The following PTPRD variants were observed in gnomAD, a reference collection of about 807,000 sequenced individuals.
The protein encoded by PTPRD is receptor-type tyrosine-protein phosphatase delta.
A neutral mutation model predicts 214.5 loss-of-function variants in PTPRD; 34 were observed. That is an observed-to-expected ratio of 0.16 (90% CI 0.12 to 0.21). PTPRD has a LOEUF of 0.21. Ranked by LOEUF, PTPRD falls within the 10% of genes least tolerant of loss-of-function variation. PTPRD has a pLI of 1.00. For missense variants in PTPRD, 2,545 were observed against 2,398.7 expected (o/e 1.06, Z -1.27); for synonymous variants, 1,128 against 845.7 (o/e 1.33, Z -5.79).
intron 2 of PTPRD, among the ~76,000 whole-genome samples, chr9:10,563,827 ATAAT>A (rs1276883912): frequency 6.6e-6 from 1 of 152,002 alleles, no homozygotes; most frequent in African/African-American, 2.4e-5. Flanking sequence ...ATAGAGTGAC[ATAAT>A]TATTTATTTA....
intron 3 of PTPRD, among the ~76,000 whole-genome samples, chr9:10,142,000 C>G (rs937304000): frequency 2.0e-5 from 3 of 152,060 alleles, no homozygotes; most frequent in African/African-American, 7.2e-5. Context: ...CTTTGACAAA[C>G]CTGACCAAAA....
intron 7 of PTPRD, among the ~76,000 whole-genome samples, chr9:9,666,072 G>A (rs531308050): frequency 1.2e-4 from 18 of 151,608 alleles, no homozygotes; most frequent in Admixed American, 4.0e-4. Flanking sequence ...GGAGTTATTC[G>A]GTAACTATCC....
chr9:8,977,960 T>TAG (rs1166501949), intron 11 of PTPRD, among the ~76,000 whole-genome samples: 1 of 152,158 alleles, frequency 6.6e-6, no homozygotes, highest in African/African-American at 2.4e-5. Context: ...GTTTATACTG[T>TAG]TGTCTTTTAC....
chr9:9,023,957 C>T (rs1163727276), intron 10 of PTPRD, among the ~76,000 whole-genome samples: 1 of 151,820 alleles, frequency 6.6e-6, no homozygotes, highest in East Asian at 1.9e-4. Context: ...CATTAATCAT[C>T]ATTTTATACC....
intron 9 of PTPRD, among the ~76,000 whole-genome samples, chr9:9,290,157 G>C (rs970115977): frequency 6.6e-5 from 10 of 151,666 alleles, no homozygotes; most frequent in Non-Finnish European, 1.2e-4. Flanking sequence ...CATTCAAACA[G>C]ATGTGAGGTG....
chr9:8,794,036 G>C (rs1213244195), intron 11 of PTPRD, among the ~76,000 whole-genome samples: 3 of 152,162 alleles, frequency 2.0e-5, no homozygotes, highest in Non-Finnish European at 2.9e-5. Flanking sequence ...CGTCTTACTT[G>C]ACTGCAGTTG....
intron 39 of PTPRD, among the ~76,000 whole-genome samples, chr9:8,353,079 C>G (rs1486984589): frequency 6.6e-6 from 1 of 152,122 alleles, no homozygotes; most frequent in Non-Finnish European, 1.5e-5. Flanking sequence ...CCACTGCACT[C>G]CAGCCTGGCG....
chr9:9,955,944 C>A (rs951866695), intron 4 of PTPRD, among the ~76,000 whole-genome samples: 11 of 152,110 alleles, frequency 7.2e-5, no homozygotes, highest in African/African-American at 2.7e-4. Context: ...GTTATCAAGC[C>A]ATTTTTAAAT....
chr9:10,145,196 C>A (rs1175718762), intron 3 of PTPRD, among the ~76,000 whole-genome samples: 1 of 152,038 alleles, frequency 6.6e-6, no homozygotes, highest in African/African-American at 2.4e-5. Context: ...CATAAAAATT[C>A]ATTTAGGACC....
intron 2 of PTPRD, among the ~76,000 whole-genome samples, chr9:10,448,220 T>A (rs2098812963): frequency 6.6e-6 from 1 of 152,050 alleles, no homozygotes; most frequent in Non-Finnish European, 1.5e-5. Flanking sequence ...AGGTTTTGAT[T>A]CTTCCAAACT....
intron 5 of PTPRD, among the ~76,000 whole-genome samples, chr9:9,839,854 T>C (rs1215834115): frequency 1.3e-5 from 2 of 152,140 alleles, no homozygotes; most frequent in East Asian, 1.9e-4. Flanking sequence ...TATCCTTCTT[T>C]CTGTTGCTGG....
intron 5 of PTPRD, among the ~76,000 whole-genome samples, chr9:9,889,793 G>A (rs2072542359): frequency 6.7e-6 from 1 of 149,452 alleles, no homozygotes; most frequent in African/African-American, 2.5e-5. Context: ...TGCTGAGTGT[G>A]TGTGTGTGTG....
At chr9:10,075,505 A>G (rs1276496085) in intron 3 of PTPRD, among the ~76,000 whole-genome samples, 1 of 151,936 alleles carries the variant, frequency 6.6e-6, no homozygotes, top group Non-Finnish European at 1.5e-5. Flanking sequence ...GAAATAAATA[A>G]TATTTTATAT....
At chr9:10,346,936 T>A (rs548263512) in intron 2 of PTPRD, among the ~76,000 whole-genome samples, 8 of 152,334 alleles carry the variant, frequency 5.3e-5, no homozygotes, top group South Asian at 2.1e-4. Context: ...TAAAGAATTA[T>A]AGTTTTATGA....
chr9:9,652,077 G>A (rs1430302515), intron 7 of PTPRD, among the ~76,000 whole-genome samples: 3 of 151,762 alleles, frequency 2.0e-5, no homozygotes, highest in Admixed American at 6.6e-5. Context: ...TACTGACCTC[G>A]TGATCCGCCT....
At chr9:10,408,437 C>A (rs1241249490) in intron 2 of PTPRD, among the ~76,000 whole-genome samples, 1 of 151,550 alleles carries the variant, frequency 6.6e-6, no homozygotes, top group African/African-American at 2.4e-5. Flanking sequence ...AAGTAAATTT[C>A]AAAGATGGTG....
chr9:10,215,300 C>G (rs896614671), intron 3 of PTPRD, among the ~76,000 whole-genome samples: 5 of 151,606 alleles, frequency 3.3e-5, no homozygotes, highest in Admixed American at 3.3e-4. Context: ...CAAAGCTCTT[C>G]TAGGAATAAA....
chr9:9,424,029 G>T (rs1032880171), intron 8 of PTPRD, among the ~76,000 whole-genome samples: 1 of 152,134 alleles, frequency 6.6e-6, no homozygotes, highest in Non-Finnish European at 1.5e-5. Flanking sequence ...TCCTACTCTA[G>T]GAATTTTCCT....
intron 4 of PTPRD, among the ~76,000 whole-genome samples, chr9:9,998,125 A>T (rs924579945): frequency 0.23 from 10,944 of 48,398 alleles, 742 homozygotes; most frequent in Non-Finnish European, 0.27. Flanking sequence ...TAAAAAAAAA[A>T]AAAAATATAT....
Sources: gnomAD v4.1 joint callset for allele counts (sites outside exome capture counted in the v4.1 genomes callset) on GRCh38, gnomAD v4.1.1 for gene constraint, MANE v1.5 for transcripts, NCBI Gene and HGNC (gene_info 2026-07-23, HGNC 2026-07-21) for gene names.